Variants in SNRPA1 observed in about 807,000 individuals in gnomAD.
SNRPA1 encodes the protein small nuclear ribonucleoprotein polypeptide A'.
A neutral mutation model predicts 32.3 loss-of-function variants in SNRPA1; 5 were observed. That is an observed-to-expected ratio of 0.15 (90% CI 0.08 to 0.33). SNRPA1 has a LOEUF of 0.33. Ranked by LOEUF, SNRPA1 falls within the 10% of genes least tolerant of loss-of-function variation. The pLI is 1.00. For synonymous variants in SNRPA1, 111 were observed against 120.1 expected, an observed-to-expected ratio of 0.92 and a Z score of 0.50; for missense variants, 198 against 311.1, an observed-to-expected ratio of 0.64 and a Z score of 2.74.
At chr15:101,288,346 A>G (rs1289463069) in intron 3 of SNRPA1, 1 of 148,780 alleles carries the variant, frequency 6.7e-6, no homozygotes, top group Admixed American at 6.8e-5. Flanking sequence ...TCCCGAATTC[A>G]TGCCATTCTC....
intron 8 of SNRPA1, among the ~76,000 whole-genome samples, chr15:101,282,981 A>C (rs1372782054): frequency 6.6e-6 from 1 of 152,194 alleles, no homozygotes; most frequent in Non-Finnish European, 1.5e-5. Flanking sequence ...TAACTCAAGA[A>C]TGCAGACATG....
At chr15:101,292,602 AAAGC>A (rs1234001365) in intron 2 of SNRPA1, among the ~76,000 whole-genome samples, 2 of 149,290 alleles carry the variant, frequency 1.3e-5, no homozygotes, top group African/African-American at 4.9e-5. Flanking sequence ...AAAAAAAAAA[AAAGC>A]AGAGACGCTC....
chr15:101,293,021 G>C lies in SNRPA1; in HGVS notation c.230+4C>G, dbSNP rs1159139918. Reference sequence around the variant, plus strand: ...AAAAATTACTTTCCCCTACAGACACGTACCATATTCTGTTGTTGTTCACTA... The same window carrying C: ...AAAAATTACTTTCCCCTACAGACACCTACCATATTCTGTTGTTGTTCACTA... On this transcript the variant is annotated splice_donor_region_variant and intron_variant, in intron 2 of 8. Coordinates refer to ENST00000254193, the MANE Select transcript of SNRPA1 (RefSeq NM_003090.4). 11 of 1,599,106 alleles carry C rather than the reference G, an allele frequency of 6.9e-6. No individual in the cohort carries two copies. The highest frequency in any genetic ancestry group is 1.1e-5 in the South Asian group (1 of 88,184).
In SNRPA1 at chr15:101,291,722, T is replaced by C. The variant is rs527757625; in HGVS notation, c.309+240A>G. ...TACAATAAAGAAGAAGATTGATTCA[T>C]TGGACTGCACCTAAATTAGGAACTT... On this transcript the variant is annotated intron_variant, in intron 3 of 8. Transcript: ENST00000254193. Among the ~76,000 whole-genome samples, 10 of 152,336 alleles carry C rather than the reference T, an allele frequency of 6.6e-5. No individual in the cohort carries two copies. The East Asian group carries it at 1.3e-3, about 21-fold the overall frequency.
intron 6 of SNRPA1, 139 bp downstream of exon 6, chr15:101,286,075 A>G (rs1348947840): frequency 2.0e-5 from 14 of 717,090 alleles, no homozygotes; most frequent in Non-Finnish European, 3.1e-5. Context: ...ATTGATGTAC[A>G]TGGACTATAA....
At chr15:101,286,469 C>G in intron 5 of SNRPA1, 176 bp from the exon 6 acceptor site, 1 of 537,812 alleles carries the variant, frequency 1.9e-6, no homozygotes. Context: ...GGTAGAGCTC[C>G]CTGAAGAAAG....
Position 101,281,640 on chromosome 15 carries a change from C to T in SNRPA1, c.*84G>A, listed in dbSNP as rs890247130. 5.2e-6 allele frequency: 5 copies of T among 964,150 alleles called. No individual in the cohort carries two copies. The African/African-American group carries it at 8.1e-5, about 16-fold the overall frequency. The allele number at this position is 964,150 out of a possible 1,614,324, so 59.7% of individuals were successfully genotyped here. ...AACAATGCTGATAGATTCCACTTTG[C>T]TAACACAAACAAGGCTATTATACCA... is the stretch of plus-strand genomic sequence containing the variant. On this transcript the variant is annotated 3_prime_UTR_variant, in exon 9 of 9. Coordinates refer to ENST00000254193, the MANE Select transcript of SNRPA1 (RefSeq NM_003090.4).
intron 7 of SNRPA1, among the ~76,000 whole-genome samples, chr15:101,285,320 G>A (rs1351130134): frequency 1.3e-5 from 2 of 152,216 alleles, no homozygotes; most frequent in Non-Finnish European, 2.9e-5. Flanking sequence ...GTAGCTAAGT[G>A]AAGTAACTAT....
At chr15:101,294,978 C>T in intron 1 of SNRPA1, 119 bp downstream of exon 1, 1 of 581,920 alleles carries the variant, frequency 1.7e-6, no homozygotes, top group African/African-American at 2.0e-5. Flanking sequence ...GCAGCCCGGT[C>T]GGAGCCCAGA....
Position 101,286,932 on chromosome 15 carries a change from C to T in SNRPA1, c.435G>A (p.Leu145=), listed in dbSNP as rs144804388. Residue 145 remains leucine, a synonymous_variant, in exon 5 of 9, where the codon CTG becomes CTA. Coordinates refer to ENST00000254193, the MANE Select transcript of SNRPA1 (RefSeq NM_003090.4). ...CTTTTAGTTTCACTTTCTGGAAATC[C>T]AGTACTCTGACTTGCGGAACTTTAT... is the stretch of plus-strand genomic sequence containing the variant. ...VIYKVPQVRV[L]DFQKVKLKER... is the part of the protein sequence containing the mutation. 261 of 1,591,670 alleles carry T rather than the reference C, an allele frequency of 1.6e-4. No individual in the cohort carries two copies. The East Asian group carries it at 4.9e-3, about 30-fold the overall frequency.
At chr15:101,294,625 G>A (rs1596473757) in intron 1 of SNRPA1, among the ~76,000 whole-genome samples, 1 of 152,210 alleles carries the variant, frequency 6.6e-6, no homozygotes, top group Admixed American at 6.5e-5. Flanking sequence ...AATACTGGAG[G>A]AAACAATCGC....
At chr15:101,292,937 T>G in intron 2 of SNRPA1, 88 bp downstream of exon 2, 1 of 765,854 alleles carries the variant, frequency 1.3e-6, no homozygotes, top group Non-Finnish European at 2.0e-6. Flanking sequence ...CATGTAGGTT[T>G]AACCAGTAGC....
chr15:101,291,850 G>C (rs12440683), intron 3 of SNRPA1, 112 bp downstream of exon 3: 1 of 634,936 alleles, frequency 1.6e-6, no homozygotes, highest in East Asian at 2.8e-5. Context: ...TTAAGAAAAA[G>C]ACAAGAAAGA....
At chr15:101,284,297 G>A (rs2039430013) in intron 8 of SNRPA1, among the ~76,000 whole-genome samples, 2 of 152,202 alleles carry the variant, frequency 1.3e-5, no homozygotes, top group Admixed American at 1.3e-4. Context: ...GGCAGAGCTG[G>A]TGAAGCTGAG....
At chr15:101,284,424 A>G (rs1474684893) in intron 8 of SNRPA1, among the ~76,000 whole-genome samples, 1 of 151,914 alleles carries the variant, frequency 6.6e-6, no homozygotes, top group African/African-American at 2.4e-5. Flanking sequence ...TGTTCGGTGC[A>G]CTCCATGGCT....
chr15:101,285,155 G>GCT, intron 7 of SNRPA1, 95 bp from the exon 8 acceptor site: 3 of 799,556 alleles, frequency 3.8e-6, no homozygotes, highest in Non-Finnish European at 6.5e-6. Context: ...GAAATTCACA[G>GCT]CAACTTCTCC....
intron 3 of SNRPA1, among the ~76,000 whole-genome samples, chr15:101,291,239 C>T (rs375786110): frequency 6.6e-6 from 1 of 152,176 alleles, no homozygotes; most frequent in Non-Finnish European, 1.5e-5. Context: ...CAAAACAATA[C>T]ACAGTATCTC....
intron 3 of SNRPA1, 39 bp downstream of exon 3, chr15:101,291,923 C>A: frequency 7.4e-7 from 1 of 1,347,168 alleles, no homozygotes; most frequent in Non-Finnish European, 1.1e-6. Flanking sequence ...GTACCTTTAA[C>A]CCCACCCACC....
chr15:101,291,163 G>A (rs2039522322), intron 3 of SNRPA1, among the ~76,000 whole-genome samples: 1 of 152,228 alleles, frequency 6.6e-6, no homozygotes, highest in South Asian at 2.1e-4. Context: ...TTACAGGCAT[G>A]AGCTATGGCA....
Sources: gnomAD v4.1 joint callset for allele counts (sites outside exome capture counted in the v4.1 genomes callset) on GRCh38, gnomAD v4.1.1 for gene constraint, MANE v1.5 for transcripts, NCBI Gene and HGNC (gene_info 2026-07-23, HGNC 2026-07-21) for gene names.